DLG2: variants seen among roughly 807,000 people sequenced by gnomAD.
DLG2 encodes the protein discs large MAGUK scaffold protein 2.
DLG2 carries 45 observed loss-of-function variants against 132.5 expected under a neutral mutation model. The ratio of observed to expected loss-of-function variants is 0.34; its 90% CI spans 0.27 to 0.44. DLG2 has a LOEUF of 0.44. Among genes scored for constraint, DLG2 ranks in the 20% least tolerant of loss-of-function variants. The pLI is 1.00. For synonymous variants in DLG2, 424 were observed against 419.6 expected, an observed-to-expected ratio of 1.01 and a Z score of -0.13; for missense variants, 1,045 against 1,196.9, an observed-to-expected ratio of 0.87 and a Z score of 1.87.
chr11:84,905,048 G>GTATTT (rs1411751085), intron 6 of DLG2, among the ~76,000 whole-genome samples: 1 of 152,034 alleles, frequency 6.6e-6, no homozygotes, highest in African/African-American at 2.4e-5. Context: ...GTTAATTGTT[G>GTATTT]TATTTTATTT....
chr11:84,258,635 A>C (rs1165366604), intron 7 of DLG2, among the ~76,000 whole-genome samples: 1 of 152,220 alleles, frequency 6.6e-6, no homozygotes, highest in African/African-American at 2.4e-5. Context: ...ATCCCAACTG[A>C]GCAAGTCACT....
chr11:84,652,159 A>G (rs2099682814), intron 6 of DLG2, among the ~76,000 whole-genome samples: 2 of 152,224 alleles, frequency 1.3e-5, no homozygotes, highest in African/African-American at 4.8e-5. Context: ...CTGGAAGAGT[A>G]AATATTGTAA....
At position 84,062,961 on chromosome 11, in the gene DLG2, T is replaced by G. The variant is rs566864653; in HGVS notation, c.750-3477A>C. Among the ~76,000 whole-genome samples, 112 of 152,322 alleles carry G rather than the reference T, an allele frequency of 7.4e-4. 1 individual carries two copies. The highest frequency in any genetic ancestry group is 2.7e-3 in the African/African-American group (111 of 41,578). ...GTAAAGCCACCAACTGTATTCATTT[T>G]GAAGCATGTAAGTATATAATTAGCT... On this transcript the variant is annotated intron_variant, in intron 10 of 27. Coordinates refer to ENST00000376104, the MANE Select transcript of DLG2 (RefSeq NM_001142699.3).
At chr11:84,344,481 G>A (rs758324043) in intron 7 of DLG2, among the ~76,000 whole-genome samples, 29 of 152,158 alleles carry the variant, frequency 1.9e-4, no homozygotes, top group African/African-American at 6.8e-4. Context: ...AAGAAAACTG[G>A]AGAAAGTAGA....
At chr11:85,435,569 C>T (rs764700105) in intron 3 of DLG2, among the ~76,000 whole-genome samples, 1 of 152,134 alleles carries the variant, frequency 6.6e-6, no homozygotes, top group Non-Finnish European at 1.5e-5. Context: ...ACAGTTGCCA[C>T]AAAGAGAATA....
intron 6 of DLG2, among the ~76,000 whole-genome samples, chr11:84,889,686 C>T (rs572277394): frequency 1.3e-5 from 2 of 152,288 alleles, no homozygotes; most frequent in South Asian, 4.1e-4. Flanking sequence ...ATTATTATCG[C>T]TTTTTCTTAT....
chr11:85,536,138 C>A (rs370063511), intron 3 of DLG2, among the ~76,000 whole-genome samples: 31 of 149,350 alleles, frequency 2.1e-4, no homozygotes, highest in African/African-American at 6.9e-4. Context: ...GTTACTTGAG[C>A]CTGGGAGGCA....
At chr11:85,311,298 C>T (rs947251245) in intron 3 of DLG2, among the ~76,000 whole-genome samples, 2 of 152,116 alleles carry the variant, frequency 1.3e-5, no homozygotes, top group Non-Finnish European at 2.9e-5. Context: ...TTACCATATG[C>T]CAGAAACTAA....
Position 85,427,712 on chromosome 11 carries a change from C to T in DLG2, c.41-142347G>A, listed in dbSNP as rs570969226. 1.4e-4 allele frequency among the ~76,000 whole-genome samples: 21 copies of T among 152,310 alleles called. No homozygotes were observed. The South Asian group carries it at 3.9e-3, about 29-fold the overall frequency. On this transcript the variant is annotated intron_variant, in intron 3 of 27. Coordinates refer to ENST00000376104, the MANE Select transcript of DLG2 (RefSeq NM_001142699.3). The stretch of plus-strand genomic sequence containing the variant: ...GATCACCAATGCTAGGAAGAAACTG[C>T]ATCAACTAATGAGCAAAATAACCAG...
chr11:85,466,038 G>C (rs2092776997), intron 3 of DLG2, among the ~76,000 whole-genome samples: 5 of 152,114 alleles, frequency 3.3e-5, no homozygotes, highest in Admixed American at 1.3e-4. Flanking sequence ...GTTTTGATTT[G>C]CATTTCTCTG....
chr11:85,116,724 G>T (rs2073645679), intron 5 of DLG2, among the ~76,000 whole-genome samples: 1 of 151,840 alleles, frequency 6.6e-6, no homozygotes, highest in Admixed American at 6.6e-5. Flanking sequence ...AAGACACCAA[G>T]ATATAAAAAT....
At chr11:83,648,990 C>A (rs2069144057) in intron 18 of DLG2, among the ~76,000 whole-genome samples, 1 of 152,070 alleles carries the variant, frequency 6.6e-6, no homozygotes, top group Non-Finnish European at 1.5e-5. Context: ...ATGAATTGAA[C>A]TCAATGTGTT....
At chr11:83,605,602 C>T (rs1352689011) in intron 19 of DLG2, among the ~76,000 whole-genome samples, 1 of 152,212 alleles carries the variant, frequency 6.6e-6, no homozygotes, top group Non-Finnish European at 1.5e-5. Context: ...TGGTTTTATA[C>T]TCACTTTAAA....
chr11:84,614,061 GAAGT>G (rs2099599985), intron 6 of DLG2, among the ~76,000 whole-genome samples: 1 of 152,304 alleles, frequency 6.6e-6, no homozygotes, highest in East Asian at 1.9e-4. Flanking sequence ...CAGTTTCAGT[GAAGT>G]AAGATAACTA....
rs139924115 is a variant in DLG2, at chr11:84,812,828, C to T, written c.358-278097G>A. On this transcript the variant is annotated intron_variant, in intron 6 of 27. Coordinates refer to ENST00000376104, the MANE Select transcript of DLG2 (RefSeq NM_001142699.3). ...AACATTTATGATTGGGTTAAGAAGA[C>T]TGAGCAGTGGTATCTGCAATCTGCA... 8.5e-5 allele frequency among the ~76,000 whole-genome samples: 13 copies of T among 152,252 alleles called. No individual in the cohort carries two copies. In the East Asian group the frequency reaches 2.5e-3, roughly 29 times the overall value.
chr11:83,963,836 A>G (rs116097527), intron 13 of DLG2, among the ~76,000 whole-genome samples: 204 of 151,976 alleles, frequency 1.3e-3, no homozygotes, highest in African/African-American at 4.6e-3. Context: ...TGCCTCTCCT[A>G]CCTAACCCAT....
At chr11:84,125,001 C>T (rs967261218) in intron 9 of DLG2, among the ~76,000 whole-genome samples, 2 of 151,862 alleles carry the variant, frequency 1.3e-5, no homozygotes, top group Non-Finnish European at 2.9e-5. Flanking sequence ...CAGGCATGTG[C>T]CACCATGCCC....
chr11:84,320,728 G>C (rs2098399742), intron 7 of DLG2, among the ~76,000 whole-genome samples: 1 of 152,130 alleles, frequency 6.6e-6, no homozygotes, highest in Non-Finnish European at 1.5e-5. Context: ...TAGTGTGGAA[G>C]AAAACATGCT....
Position 83,534,422 on chromosome 11 carries a change from C to A in DLG2, c.2118-1639G>T, listed in dbSNP as rs116111298. Reference sequence around the variant, plus strand: ...AAGAAAAAACCCGAACCTACAGAAACTTAATAGTTTATGGAGTCTAAGCTA... The same window carrying A: ...AAGAAAAAACCCGAACCTACAGAAAATTAATAGTTTATGGAGTCTAAGCTA... On this transcript the variant is annotated intron_variant, in intron 20 of 27. Coordinates refer to ENST00000376104, the MANE Select transcript of DLG2 (RefSeq NM_001142699.3). Among the ~76,000 whole-genome samples, 576 of 152,300 alleles carry A rather than the reference C, an allele frequency of 3.8e-3. 1 individual carries two copies. Among genetic ancestry groups the A allele is most frequent in the African/African-American group, 0.013 (523 of 41,572 alleles).
Sources: gnomAD v4.1 joint callset for allele counts (sites outside exome capture counted in the v4.1 genomes callset) on GRCh38, gnomAD v4.1.1 for gene constraint, MANE v1.5 for transcripts, NCBI Gene and HGNC (gene_info 2026-07-23, HGNC 2026-07-21) for gene names.